The following ABCG5 variants were observed in gnomAD, a reference collection of about 807,000 sequenced individuals.
The protein encoded by ABCG5 is ATP-binding cassette sub-family G member 5.
Under a neutral mutation model 64.5 loss-of-function variants are expected in ABCG5, and 64 were observed. That is an observed-to-expected ratio of 0.99 (90% CI 0.81 to 1.22). The LOEUF is 1.22. Among genes scored for constraint, ABCG5 ranks in the 50% most tolerant of loss-of-function variants. The pLI is 0.00. For synonymous variants in ABCG5, 385 were observed against 326.3 expected (o/e 1.18, Z -1.94); for missense variants, 908 against 829.5 (o/e 1.09, Z -1.16).
At chr2:43,829,027 T>C (rs978502523) in intron 4 of ABCG5, among the ~76,000 whole-genome samples, 1 of 151,986 alleles carries the variant, frequency 6.6e-6, no homozygotes, top group African/African-American at 2.4e-5. Flanking sequence ...GAACACAAAC[T>C]GCTTACACTT....
Position 43,820,033 on chromosome 2 carries a change from A to G in ABCG5, c.1531T>C (p.Leu511=). The G allele has an allele frequency of 6.2e-7, 1 of 1,614,240 alleles. No homozygotes were observed. The highest frequency in any genetic ancestry group is 8.5e-7 in the Non-Finnish European group (1 of 1,180,042). The change falls in exon 11 of 13, where the codon TTA becomes CTA. Residue 511 remains leucine, a synonymous_variant. Transcript: ENST00000405322. ...YFSAALLAPH[L]IGEFLTLVLL... Reference sequence around the variant, plus strand: ...ACAAGAGTTAGAAATTCACCAATTAAGTGGGGGGCCAAGAGAGCAGCAGAA... The same window carrying G: ...ACAAGAGTTAGAAATTCACCAATTAGGTGGGGGGCCAAGAGAGCAGCAGAA...
chr2:43,828,049 A>G lies in ABCG5; in HGVS notation c.568T>C (p.Leu190=), dbSNP rs1667728206. Residue 190 remains leucine (L), a synonymous_variant, in exon 5 of 13, where the codon TTG becomes CTG. Coordinates refer to ENST00000405322, the MANE Select transcript of ABCG5 (RefSeq NM_022436.3). ...VADRLIGNYS[L]GGISTGERRR... is the part of the protein sequence containing the mutation. ...CGCTCACCCGTGGAAATGCCCCCCA[A>G]GCTGTAGTTGCCAATCAGTCGGTCT... is the stretch of plus-strand genomic sequence containing the variant. 1 of 1,614,116 alleles carries G rather than the reference A, an allele frequency of 6.2e-7. No individual in the cohort carries two copies. Among genetic ancestry groups the G allele is most frequent in the African/African-American group, 1.3e-5 (1 of 75,018 alleles).
At position 43,814,476 on chromosome 2, in the gene ABCG5, C is replaced by T. The variant is rs754944896; in HGVS notation, c.1762+1G>A. On this transcript the variant is annotated splice_donor_variant, in intron 12 of 12. Transcript: ENST00000405322. LOFTEE classifies it high-confidence loss of function. ...ATAATATCCCCAAATAGAATACTTA[C>T]CACAAGTGAAATTCAGTCCGTAGAA... 1.3e-6 allele frequency: 2 copies of T among 1,584,582 alleles called. No individual in the cohort carries two copies. Among genetic ancestry groups the T allele is most frequent in the East Asian group, 4.5e-5 (2 of 44,578 alleles).
At position 43,828,139 on chromosome 2, in the gene ABCG5, A is replaced by G. The variant is rs997212438; in HGVS notation, c.502-24T>C. 5 of 1,613,532 alleles carry G rather than the reference A, an allele frequency of 3.1e-6. No individual in the cohort carries two copies. In the African/African-American group the frequency reaches 5.3e-5, roughly 17 times the overall value. On this transcript the variant is annotated intron_variant, in intron 4 of 12. Coordinates refer to ENST00000405322, the MANE Select transcript of ABCG5 (RefSeq NM_022436.3). Reference sequence around the variant, plus strand: ...ACCTGCAGGAGACACAAATTACAGGAAGGCTGGGAGTCTCTGTGGCTGCTA... The same window carrying G: ...ACCTGCAGGAGACACAAATTACAGGGAGGCTGGGAGTCTCTGTGGCTGCTA...
In ABCG5 at chr2:43,813,226, C is replaced by T. The variant is rs1424655920; in HGVS notation, c.1846G>A (p.Ala616Thr). Residue 616 changes from alanine to threonine, a missense_variant, in exon 13 of 13, where the codon GCA becomes ACA. Coordinates refer to ENST00000405322, the MANE Select transcript of ABCG5 (RefSeq NM_022436.3). ...IQFIEKTCPGATSRFTMNFLI... is the reference protein window; with the variant it reads ...IQFIEKTCPGTTSRFTMNFLI... ...AAGTTCATTGTGAATCTAGATGTTG[C>T]ACCTGGGCAGGTTTTCTCAATGAAT... is the stretch of plus-strand genomic sequence containing the variant. The T allele has an allele frequency of 4.3e-6, 7 of 1,613,108 alleles. 1 individual carries two copies. The Admixed American group carries it at 1.2e-4, about 27-fold the overall frequency.
At chr2:43,835,581 T>G (rs981237372) in intron 2 of ABCG5, among the ~76,000 whole-genome samples, 1 of 152,226 alleles carries the variant, frequency 6.6e-6, no homozygotes, top group African/African-American at 2.4e-5. Context: ...TGCTATAGTC[T>G]CAATGTTTAT....
rs1667960450 is a variant in ABCG5 at position 43,831,786 on chromosome 2, CG to C, written c.483del (p.Gly162AlafsTer14). On this transcript the variant is annotated frameshift_variant, in exon 4 of 13. Coordinates refer to ENST00000405322, the MANE Select transcript of ABCG5 (RefSeq NM_022436.3). LOFTEE classifies it high-confidence loss of function. ...TALLAIRRGN[P>X]GSFQKKVEAV... ...GCACCCACCTTCTTCTGGAAGGAGCCGGGATTGCCGCGGCGGATGGCCAGCA... is the reference window on the plus strand; with the variant it reads ...GCACCCACCTTCTTCTGGAAGGAGCCGGATTGCCGCGGCGGATGGCCAGCA... The C allele has an allele frequency of 6.3e-7, 1 of 1,585,062 alleles. No homozygotes were observed. The highest frequency in any genetic ancestry group is 1.3e-5 in the African/African-American group (1 of 74,746).
At chr2:43,834,175 T>C (rs1344144932) in intron 2 of ABCG5, among the ~76,000 whole-genome samples, 5 of 152,190 alleles carry the variant, frequency 3.3e-5, no homozygotes, top group Admixed American at 6.5e-5. Flanking sequence ...TGTGACTTCA[T>C]TGGGATTGTC....
At position 43,820,210 on chromosome 2, in the gene ABCG5, T is replaced by G. The variant is rs1667098112; in HGVS notation, c.1464-110A>C. On this transcript the variant is annotated intron_variant, in intron 10 of 12. Coordinates refer to ENST00000405322, the MANE Select transcript of ABCG5 (RefSeq NM_022436.3). ...TTGTGGTGAGTGGGTGGGAGAAGTT[T>G]GCAGGGCAAGCCACACTCCCCTTTG... 1.4e-5 allele frequency: 18 copies of G among 1,330,652 alleles called. No individual in the cohort carries two copies. In the South Asian group the frequency reaches 2.2e-4, roughly 16 times the overall value. The allele number at this position is 1,330,652 out of a possible 1,614,324, so 82.4% of individuals were successfully genotyped here. A position where few individuals can be genotyped will look rare whatever the true frequency, so the allele number is the denominator to read the frequency against.
downstream of ABCG5, chr2:43,810,231 A>G: frequency 2.0e-6 from 1 of 502,508 alleles, no homozygotes; most frequent in Non-Finnish European, 2.6e-6. Flanking sequence ...AGGCGCAAGA[A>G]GCACCTGAAA....
intron 10 of ABCG5, among the ~76,000 whole-genome samples, chr2:43,821,811 A>G (rs1441195424): frequency 6.6e-6 from 1 of 150,600 alleles, no homozygotes; most frequent in African/African-American, 2.4e-5. Context: ...CAGCAGCTGA[A>G]TTCACCTCCC....
Position 43,822,905 on chromosome 2 carries a change from T to C in ABCG5, c.1355A>G (p.Glu452Gly). ...FPVLRAVSDQ[E>G]SQDGLYQKWQ... ...CTTCTGGTAGAGGCCGTCCTGACTC[T>C]CCTGGTCGCTGACAGCTCGCAGCAC... Residue 452 changes from glutamate to glycine, a missense_variant, in exon 10 of 13, where the codon GAG becomes GGG. Coordinates refer to ENST00000405322, the MANE Select transcript of ABCG5 (RefSeq NM_022436.3). 1.9e-6 allele frequency: 3 copies of C among 1,614,064 alleles called. No individual in the cohort carries two copies. Among genetic ancestry groups the C allele is most frequent in the Non-Finnish European group, 2.5e-6 (3 of 1,179,996 alleles).
rs779617392 is a variant in ABCG5 at position 43,824,886 on chromosome 2, T to C, written c.904+3A>G. On this transcript the variant is annotated splice_donor_region_variant and intron_variant, in intron 7 of 12. Transcript: ENST00000405322. The stretch of plus-strand genomic sequence containing the variant: ...TGATGGGGAATGTGAAAGAAAAACT[T>C]ACTATAGAAGTCAAAAGGGTTTGAA... 2 of 1,613,890 alleles carry C rather than the reference T, an allele frequency of 1.2e-6. No individual in the cohort carries two copies. The highest frequency in any genetic ancestry group is 1.7e-6 in the Non-Finnish European group (2 of 1,179,856).
At chr2:43,837,789 T>C (rs1237980144) in intron 2 of ABCG5, 45 bp downstream of exon 2, 2 of 1,611,996 alleles carry the variant, frequency 1.2e-6, no homozygotes, top group East Asian at 2.2e-5. Context: ...ATGTGGAGTT[T>C]AACTCAAGCC....
chr2:43,828,661 CTAAAA>C (rs1275563739), intron 4 of ABCG5, among the ~76,000 whole-genome samples: 1 of 151,514 alleles, frequency 6.6e-6, no homozygotes, highest in Non-Finnish European at 1.5e-5. Flanking sequence ...GACCCTGTCT[CTAAAA>C]TAAAATAAAA....
chr2:43,816,540 G>T (rs562058942), intron 11 of ABCG5, among the ~76,000 whole-genome samples: 1 of 152,244 alleles, frequency 6.6e-6, no homozygotes, highest in Admixed American at 6.5e-5. Flanking sequence ...AGGTTGGTTT[G>T]TGCTTTGTCT....
downstream of ABCG5, among the ~76,000 whole-genome samples, chr2:43,812,127 T>C (rs1477942470): frequency 6.6e-6 from 1 of 152,062 alleles, no homozygotes; most frequent in Non-Finnish European, 1.5e-5. Flanking sequence ...CATAGCTCAC[T>C]GCAGCCCCTG....
In ABCG5 at chr2:43,814,543, TA is replaced by T; in HGVS notation, c.1695del (p.Phe565LeufsTer12). Reference sequence around the variant, plus strand: ...ATCTCACTGCAATATTTTTGGAATGTAAAATAACTGATGATTTTAAAAGGAA... The same window carrying T: ...ATCTCACTGCAATATTTTTGGAATGTAAATAACTGATGATTTTAAAAGGAA... Reference protein sequence around the residue: ...MPIPFKIISYFTFQKYCSEIL... With the variant: ...MPIPFKIISYXTFQKYCSEIL... On this transcript the variant is annotated frameshift_variant, in exon 12 of 13. Transcript: ENST00000405322. LOFTEE classifies it high-confidence loss of function. The T allele has an allele frequency of 6.2e-7, 1 of 1,609,390 alleles. No individual in the cohort carries two copies. The highest frequency in any genetic ancestry group is 8.5e-7 in the Non-Finnish European group (1 of 1,176,564).
Position 43,831,954 on chromosome 2 carries a change from A to T in ABCG5, c.395T>A (p.Val132Asp), listed in dbSNP as rs1402774773. The change falls in exon 3 of 13, where the codon GTC (valine) becomes GAC (aspartate). Residue 132 changes from valine to aspartate, a missense_variant. Val to Asp is a radical substitution (Grantham distance 152). Coordinates refer to ENST00000405322, the MANE Select transcript of ABCG5 (RefSeq NM_022436.3). The part of the protein sequence containing the change: ...REQFQDCFSY[V>D]LQSDTLLSSL... ...TGTGGGGGACGCGCCCACCTGCAGG[A>T]CGTAGGAGAAGCAGTCCTGGAACTG... 6.5e-7 allele frequency: 1 copy of T among 1,549,810 alleles called. No homozygotes were observed. The highest frequency in any genetic ancestry group is 1.4e-5 in the African/African-American group (1 of 73,056).
Sources: gnomAD v4.1 joint callset for allele counts (sites outside exome capture counted in the v4.1 genomes callset) on GRCh38, gnomAD v4.1.1 for gene constraint, MANE v1.5 for transcripts, NCBI Gene and HGNC (gene_info 2026-07-23, HGNC 2026-07-21) for gene names.